Variants in KIF26B observed in about 807,000 individuals in gnomAD.
KIF26B encodes kinesin family member 26B.
KIF26B carries 63 observed loss-of-function variants against 151.2 expected under a neutral mutation model. The ratio of observed to expected loss-of-function variants is 0.42; its 90% confidence interval spans 0.34 to 0.51. The LOEUF (loss-of-function observed/expected upper bound fraction) is 0.51, where lower values mean the gene tolerates loss of function less well. Ranked by LOEUF, KIF26B falls within the 20% of genes least tolerant of loss-of-function variation. The pLI, the probability that KIF26B is intolerant of heterozygous loss-of-function variation, is 0.07. For missense variants in KIF26B, 2,813 were observed against 2,913.6 expected (o/e 0.97, Z 0.79); for synonymous variants, 1,357 against 1,262.1 (o/e 1.08, Z -1.59).
intron 9 of KIF26B, among the ~76,000 whole-genome samples, chr1:245,643,602 A>C (rs1468755657): frequency 6.6e-6 from 1 of 152,212 alleles, no homozygotes. Flanking sequence ...TCTTTTAAAG[A>C]GATTTAAAGT....
chr1:245,211,017 C>A (rs1054660066), intron 2 of KIF26B, among the ~76,000 whole-genome samples: 1 of 152,138 alleles, frequency 6.6e-6, no homozygotes, highest in African/African-American at 2.4e-5. Context: ...AGGAGTATGG[C>A]GGTTTTTAAG....
At position 245,159,029 on chromosome 1, in the gene KIF26B, T is replaced by C. The variant is rs932486222; in HGVS notation, c.465+2346T>C. Among the ~76,000 whole-genome samples, 10 of 152,326 alleles carry C rather than the reference T, an allele frequency of 6.6e-5. No homozygotes were observed. The South Asian group carries it at 1.9e-3, about 28-fold the overall frequency. Reference sequence around the variant, plus strand: ...GACTTTTCTTCTTCCCGGAGCAATATTAATGAACAAACTGTGGACCACTGT... The same window carrying C: ...GACTTTTCTTCTTCCCGGAGCAATACTAATGAACAAACTGTGGACCACTGT... On this transcript the variant is annotated intron_variant, in intron 2 of 14. Transcript: ENST00000407071.
Position 245,552,800 on chromosome 1 carries a change from A to T in KIF26B, c.1350+11850A>T, listed in dbSNP as rs1196816425. Among the ~76,000 whole-genome samples the T allele has an allele frequency of 2.6e-5, 4 of 152,080 alleles. No homozygotes were observed. In the East Asian group the frequency reaches 5.8e-4, roughly 22 times the overall value. ...TTTTTTATGGAGATGGGGTTTTACC[A>T]CGTTGGCCAGGCTAGTCTCAAACTC... On this transcript the variant is annotated intron_variant, in intron 5 of 14. Transcript: ENST00000407071.
chr1:245,680,475 G>A (rs543327207), intron 10 of KIF26B, among the ~76,000 whole-genome samples: 65 of 152,332 alleles, frequency 4.3e-4, no homozygotes, highest in Admixed American at 2.7e-3. Context: ...GGTGTGGGGA[G>A]TCGCAGTAAA....
At chr1:245,506,969 G>A (rs1247495725) in intron 4 of KIF26B, among the ~76,000 whole-genome samples, 1 of 152,110 alleles carries the variant, frequency 6.6e-6, no homozygotes, top group Non-Finnish European at 1.5e-5. Context: ...CGTGAGCCAC[G>A]GTGCCCAGCC....
intron 9 of KIF26B, among the ~76,000 whole-genome samples, chr1:245,636,351 T>G (rs1399678055): frequency 2.8e-5 from 1 of 36,214 alleles, no homozygotes. Flanking sequence ...TTATAGAACG[T>G]TTTTTTTTTT....
chr1:245,592,719 C>T (rs778972527), intron 5 of KIF26B, among the ~76,000 whole-genome samples: 1 of 151,384 alleles, frequency 6.6e-6, no homozygotes, highest in Non-Finnish European at 1.5e-5. Context: ...GTGGATAAAG[C>T]CCCCTGATCT....
chr1:245,693,002 C>T (rs1238296751), intron 12 of KIF26B, among the ~76,000 whole-genome samples: 1 of 152,048 alleles, frequency 6.6e-6, no homozygotes, highest in Non-Finnish European at 1.5e-5. Flanking sequence ...CCAGCTGAGC[C>T]CCTACCCTGA....
chr1:245,269,474 T>C (rs1670810041), intron 2 of KIF26B, among the ~76,000 whole-genome samples: 1 of 151,940 alleles, frequency 6.6e-6, no homozygotes, highest in South Asian at 2.1e-4. Flanking sequence ...TTTTGTTTTT[T>C]GTTTTTTTGA....
Position 245,680,707 on chromosome 1 carries a change from T to C in KIF26B, c.2259-3526T>C, listed in dbSNP as rs551873152. ...GTCCTCATCTTTTGCAGATTCTGTA[T>C]TTGCACATTCACCTACTCACTGAAA... On this transcript the variant is annotated intron_variant, in intron 10 of 14. Transcript: ENST00000407071. 1.8e-4 allele frequency among the ~76,000 whole-genome samples: 27 copies of C among 152,308 alleles called. No individual in the cohort carries two copies. In the South Asian group the frequency reaches 5.4e-3, roughly 30 times the overall value.
At chr1:245,207,288 C>T (rs1669426008) in intron 2 of KIF26B, among the ~76,000 whole-genome samples, 1 of 152,198 alleles carries the variant, frequency 6.6e-6, no homozygotes, top group African/African-American at 2.4e-5. Flanking sequence ...GCCACGAGAG[C>T]ACACCGAACA....
intron 2 of KIF26B, among the ~76,000 whole-genome samples, chr1:245,293,887 T>G (rs1671295789): frequency 6.6e-6 from 1 of 152,220 alleles, no homozygotes; most frequent in African/African-American, 2.4e-5. Context: ...CGATTTCTTT[T>G]TATTTTTTTG....
intron 3 of KIF26B, among the ~76,000 whole-genome samples, chr1:245,410,432 G>A (rs1674248986): frequency 6.6e-6 from 1 of 152,040 alleles, no homozygotes; most frequent in African/African-American, 2.4e-5. Flanking sequence ...ACACTCTGGT[G>A]TTGTGGGATT....
At position 245,704,862 on chromosome 1, in the gene KIF26B, A is replaced by G. The variant is rs1273729594; in HGVS notation, c.*2256A>G. On this transcript the variant is annotated 3_prime_UTR_variant, in exon 15 of 15. Coordinates refer to ENST00000407071, the MANE Select transcript of KIF26B (RefSeq NM_018012.4). ...CTGGTTTCAAACATATAGTTCATGA[A>G]AAGTCTTTAATTGGAGATTTTCAAA... 7.9e-6 allele frequency: 1 copy of G among 126,064 alleles called. No homozygotes were observed. Among genetic ancestry groups the G allele is most frequent in the African/African-American group, 3.3e-5 (1 of 30,072 alleles). The allele number at this position is 126,064 out of a possible 1,614,324, so 7.8% of individuals were successfully genotyped here.
intron 10 of KIF26B, among the ~76,000 whole-genome samples, chr1:245,650,895 C>T (rs1398686573): frequency 2.6e-5 from 4 of 152,152 alleles, no homozygotes; most frequent in East Asian, 3.9e-4. Flanking sequence ...AAATGATGCC[C>T]GGCACCTCCC....
rs1030596218 is a variant in KIF26B, at chr1:245,512,542, C to T, written c.1167-28225C>T. Among the ~76,000 whole-genome samples the T allele has an allele frequency of 6.6e-6, 1 of 152,310 alleles. No homozygotes were observed. Among genetic ancestry groups the T allele is most frequent in the Non-Finnish European group, 1.5e-5 (1 of 68,028 alleles). On this transcript the variant is annotated intron_variant, in intron 4 of 14. Transcript: ENST00000407071. This position sits in a 1 kb window ranked among gnomAD's most constrained non-coding sequence, Gnocchi z 4.3. ...AACAACTTTATTAATTGGGGTTTAA[C>T]ATCATCAAGGGCTGTAGCACTGGGC...
chr1:245,607,801 A>G (rs570777773), intron 7 of KIF26B, 57 bp downstream of exon 7: 1 of 1,361,920 alleles, frequency 7.3e-7, no homozygotes, highest in Non-Finnish European at 1.0e-6. Flanking sequence ...CATCCCATGC[A>G]TTCCTCTGTC....
chr1:245,680,272 T>C (rs1558266650), intron 10 of KIF26B, among the ~76,000 whole-genome samples: 1 of 151,870 alleles, frequency 6.6e-6, no homozygotes, highest in Non-Finnish European at 1.5e-5. Flanking sequence ...CTATGCACCA[T>C]GTTTTACTCC....
intron 5 of KIF26B, among the ~76,000 whole-genome samples, chr1:245,590,199 C>CTTT (rs2043272456): frequency 6.6e-6 from 1 of 151,234 alleles, no homozygotes; most frequent in Non-Finnish European, 1.5e-5. Flanking sequence ...GAAGCACAAA[C>CTTT]CACCCGGCGA....
Sources: allele counts gnomAD v4.1 joint callset (sites outside exome capture counted in the v4.1 genomes callset), GRCh38; gene constraint gnomAD v4.1.1; non-coding constraint Gnocchi (gnomAD v3.1); transcripts MANE v1.5; gene names NCBI Gene and HGNC (gene_info 2026-07-23, HGNC 2026-07-21).